The following PABPC4L variants were observed in gnomAD, a reference collection of about 807,000 sequenced individuals.
The protein encoded by PABPC4L is polyadenylate-binding protein 4-like.
For missense variants in PABPC4L, 452 were observed against 451.4 expected, an observed-to-expected ratio of 1.00 and a Z score of -0.01; for synonymous variants, 169 against 164.1, an observed-to-expected ratio of 1.03 and a Z score of -0.23.
the PABPC4L span, among the ~76,000 whole-genome samples, chr4:134,027,813 C>T: frequency 6.6e-6 from 1 of 152,124 alleles, no homozygotes; most frequent in African/African-American, 2.4e-5. Context: ...TAGAAAGCCA[C>T]ATTGAATGTC....
the PABPC4L span, among the ~76,000 whole-genome samples, chr4:134,021,187 A>G: frequency 2.0e-5 from 3 of 152,174 alleles, no homozygotes; most frequent in Non-Finnish European, 2.9e-5. Context: ...AATCACATAT[A>G]CAGGTAGTTT....
the PABPC4L span, among the ~76,000 whole-genome samples, chr4:134,095,516 C>T: frequency 2.0e-5 from 3 of 151,800 alleles, no homozygotes; most frequent in Non-Finnish European, 2.9e-5. Flanking sequence ...AATAGACAAA[C>T]GCCAATCCAT....
chr4:134,188,627 A>G, the PABPC4L span, among the ~76,000 whole-genome samples: 2 of 152,024 alleles, frequency 1.3e-5, no homozygotes, highest in Admixed American at 6.6e-5. Context: ...TTTTCTCTCA[A>G]CACTTTAAAT....
chr4:134,191,663 C>T (rs974779417), downstream of PABPC4L, among the ~76,000 whole-genome samples: 1 of 151,800 alleles, frequency 6.6e-6, no homozygotes, highest in South Asian at 2.1e-4. Flanking sequence ...AAAACACATA[C>T]CAAAGCAGTT....
chr4:134,183,723 G>T, the PABPC4L span, among the ~76,000 whole-genome samples: 1 of 151,824 alleles, frequency 6.6e-6, no homozygotes, highest in South Asian at 2.1e-4. Context: ...GAAATATCAT[G>T]CATCTAAGAA....
chr4:134,142,959 G>T, the PABPC4L span, among the ~76,000 whole-genome samples: 568 of 151,614 alleles, frequency 3.7e-3, 2 homozygotes, highest in African/African-American at 0.013. Flanking sequence ...ATGGGGCCTT[G>T]TCTAGTCTAG....
the PABPC4L span, among the ~76,000 whole-genome samples, chr4:134,142,246 A>G: frequency 6.6e-6 from 1 of 151,692 alleles, no homozygotes; most frequent in Non-Finnish European, 1.5e-5. Flanking sequence ...TAATCACAGT[A>G]CCTATTTCTG....
At chr4:133,951,270 G>A in the PABPC4L span, among the ~76,000 whole-genome samples, 1 of 152,092 alleles carries the variant, frequency 6.6e-6, no homozygotes, top group African/African-American at 2.4e-5. Context: ...AACAGTTATG[G>A]TTTGATGCCT....
the PABPC4L span, among the ~76,000 whole-genome samples, chr4:134,108,012 A>G: frequency 6.6e-6 from 1 of 151,598 alleles, no homozygotes; most frequent in Non-Finnish European, 1.5e-5. Flanking sequence ...TAGATGTTTT[A>G]AATAAAAAAG....
the PABPC4L span, among the ~76,000 whole-genome samples, chr4:133,956,778 G>A: frequency 6.6e-6 from 1 of 152,174 alleles, no homozygotes; most frequent in Admixed American, 6.5e-5. Flanking sequence ...GGCAAAAGGT[G>A]AAAGGGAAGA....
chr4:134,114,140 A>G, the PABPC4L span, among the ~76,000 whole-genome samples: 12 of 151,696 alleles, frequency 7.9e-5, no homozygotes, highest in Non-Finnish European at 1.6e-4. Context: ...AAATGGTAAT[A>G]GGAACAAGAG....
chr4:134,091,864 T>C, the PABPC4L span, among the ~76,000 whole-genome samples: 1 of 152,090 alleles, frequency 6.6e-6, no homozygotes, highest in African/African-American at 2.4e-5. Context: ...CTGGTTGGTT[T>C]TCATATATTA....
chr4:134,127,546 G>T, the PABPC4L span, among the ~76,000 whole-genome samples: 3 of 152,188 alleles, frequency 2.0e-5, no homozygotes, highest in Non-Finnish European at 2.9e-5. Context: ...ATCCAGAAGA[G>T]AAGTAACAAT....
At chr4:134,187,202 CA>C in the PABPC4L span, among the ~76,000 whole-genome samples, 7 of 152,044 alleles carry the variant, frequency 4.6e-5, no homozygotes, top group Admixed American at 1.3e-4. Context: ...GACATATAAC[CA>C]AAGGATTATA....
the PABPC4L span, among the ~76,000 whole-genome samples, chr4:134,029,227 G>A: frequency 2.6e-5 from 4 of 152,032 alleles, no homozygotes; most frequent in Non-Finnish European, 5.9e-5. Context: ...AGCAGGATCC[G>A]GGAGGACGAC....
At chr4:134,161,662 T>C in the PABPC4L span, among the ~76,000 whole-genome samples, 2 of 152,146 alleles carry the variant, frequency 1.3e-5, no homozygotes, top group Admixed American at 6.5e-5. Flanking sequence ...TTACAAGAGA[T>C]GCTAAAGAGA....
chr4:134,015,794 A>G, the PABPC4L span, among the ~76,000 whole-genome samples: 2 of 152,242 alleles, frequency 1.3e-5, no homozygotes, highest in East Asian at 3.9e-4. Flanking sequence ...TGTTTTGCCT[A>G]GCCCTCAAGT....
chr4:134,012,208 A>G, the PABPC4L span, among the ~76,000 whole-genome samples: 1 of 152,078 alleles, frequency 6.6e-6, no homozygotes, highest in Admixed American at 6.6e-5. Flanking sequence ...TTTGCATTCA[A>G]TGGTGTCAGG....
chr4:133,960,464 G>A, the PABPC4L span, among the ~76,000 whole-genome samples: 132 of 152,246 alleles, frequency 8.7e-4, 1 homozygote, highest in African/African-American at 3.1e-3. Context: ...GGCATCACAA[G>A]GATCCTTAGG....
Sources: gnomAD v4.1 joint callset for allele counts (sites outside exome capture counted in the v4.1 genomes callset) on GRCh38, gnomAD v4.1.1 for gene constraint, MANE v1.5 for transcripts, NCBI Gene and HGNC (gene_info 2026-07-23, HGNC 2026-07-21) for gene names.